Variants in KAT2B observed in about 807,000 individuals in gnomAD.
KAT2B encodes the protein lysine acetyltransferase 2B, also known as histone acetyltransferase KAT2B.
KAT2B carries 36 observed loss-of-function variants against 105.9 expected under a neutral mutation model. The ratio of observed to expected loss-of-function variants is 0.34; its 90% CI spans 0.26 to 0.45. The LOEUF (loss-of-function observed/expected upper bound fraction) is 0.45, where lower values mean the gene tolerates loss of function less well. KAT2B is among the 20% of genes least tolerant of loss of function. The pLI, the probability that KAT2B is intolerant of heterozygous loss-of-function variation, is 1.00. For missense variants in KAT2B, 820 were observed against 1,021.6 expected (o/e 0.80, Z 2.69); for synonymous variants, 397 against 377.9 (o/e 1.05, Z -0.59).
intron 5 of KAT2B, among the ~76,000 whole-genome samples, chr3:20,102,375 C>T (rs2125157249): frequency 6.6e-6 from 1 of 152,244 alleles, no homozygotes; most frequent in East Asian, 1.9e-4. Context: ...CATCATTATA[C>T]ATATTATCTT....
At chr3:20,116,596 G>A (rs1193339843) in intron 7 of KAT2B, among the ~76,000 whole-genome samples, 3 of 152,158 alleles carry the variant, frequency 2.0e-5, no homozygotes, top group African/African-American at 7.2e-5. Flanking sequence ...GACTGTGTTA[G>A]ACAATTCTCA....
At chr3:20,059,203 G>C (rs555580686) in intron 1 of KAT2B, among the ~76,000 whole-genome samples, 1 of 151,740 alleles carries the variant, frequency 6.6e-6, no homozygotes, top group East Asian at 1.9e-4. Context: ...ACTTGAGGTC[G>C]GGAGTTCGAG....
At chr3:20,060,492 T>G (rs976246253) in intron 1 of KAT2B, among the ~76,000 whole-genome samples, 1 of 152,110 alleles carries the variant, frequency 6.6e-6, no homozygotes, top group Non-Finnish European at 1.5e-5. Context: ...TCCCAGCTAC[T>G]GGGGAGGCTG....
chr3:20,132,272 C>T (rs1173169169), intron 11 of KAT2B, among the ~76,000 whole-genome samples: 1 of 152,142 alleles, frequency 6.6e-6, no homozygotes. Flanking sequence ...TACTCAGAGG[C>T]TGAGGCAGGA....
At chr3:20,136,652 C>G (rs1291202213) in intron 11 of KAT2B, among the ~76,000 whole-genome samples, 1 of 152,060 alleles carries the variant, frequency 6.6e-6, no homozygotes, top group Non-Finnish European at 1.5e-5. Flanking sequence ...TAAGATTGAG[C>G]TAGGAACTTG....
chr3:20,148,213 T>C (rs1295568541), intron 15 of KAT2B, 30 bp from the exon 16 acceptor site: 2 of 1,590,710 alleles, frequency 1.3e-6, no homozygotes, highest in Non-Finnish European at 1.7e-6. Flanking sequence ...ACTCTAATCA[T>C]TGCTCCTTGT....
At chr3:20,106,446 C>T (rs1408684369) in intron 5 of KAT2B, among the ~76,000 whole-genome samples, 1 of 146,966 alleles carries the variant, frequency 6.8e-6, no homozygotes, top group Non-Finnish European at 1.5e-5. Flanking sequence ...AGTACACACA[C>T]ACACACACAC....
chr3:20,114,410 A>G (rs1232727399), intron 6 of KAT2B, among the ~76,000 whole-genome samples: 1 of 152,210 alleles, frequency 6.6e-6, no homozygotes, highest in Non-Finnish European at 1.5e-5. Flanking sequence ...ATGTAGTAAG[A>G]GCTATATATG....
chr3:20,146,061 G>A (rs1394233776), intron 13 of KAT2B, among the ~76,000 whole-genome samples: 1 of 152,170 alleles, frequency 6.6e-6, no homozygotes, highest in Non-Finnish European at 1.5e-5. Flanking sequence ...CCTAGGGGCT[G>A]TGTGTTTTCT....
Position 20,040,592 on chromosome 3 carries a change from G to T in KAT2B, c.115G>T (p.Gly39Cys). 8.3e-7 allele frequency: 1 copy of T among 1,210,210 alleles called. No homozygotes were observed. Among genetic ancestry groups the T allele is most frequent in the South Asian group, 3.6e-5 (1 of 27,762 alleles). The allele number at this position is 1,210,210 out of a possible 1,614,324, so 75.0% of individuals were successfully genotyped here. ...PAALPPAPPQ[G>C]SPCAAAAGGS... ...GGCGCTTCCGCCCGCGCCCCCGCAG[G>T]GCTCCCCCTGCGCCGCTGCCGCCGG... The change falls in exon 1 of 18, where the codon GGC (glycine) becomes TGC (cysteine). Residue 39 changes from glycine to cysteine, a missense_variant. This residue lies in a region of KAT2B where 190 missense variants were observed against 176.7 expected (regional missense o/e 1.08). Transcript: ENST00000263754.
In KAT2B at chr3:20,069,905, AC is replaced by A. The variant is rs1421052252; in HGVS notation, c.304-2427del. Among the ~76,000 whole-genome samples the A allele has an allele frequency of 7.2e-4, 110 of 152,160 alleles. 2 individuals carry two copies. The highest frequency in any genetic ancestry group is 4.4e-5 in the Non-Finnish European group (3 of 67,992). On this transcript the variant is annotated intron_variant, in intron 1 of 17. Coordinates refer to ENST00000263754, the MANE Select transcript of KAT2B (RefSeq NM_003884.5). The stretch of plus-strand genomic sequence containing the variant: ...TTCGGTTTGCCATATTCTCCTATTC[AC>A]TGTCTTCATTGTAAATTCTCATGAC...
chr3:20,047,456 C>A (rs1697833131), intron 1 of KAT2B, among the ~76,000 whole-genome samples: 1 of 152,152 alleles, frequency 6.6e-6, no homozygotes, highest in African/African-American at 2.4e-5. Context: ...ATATTTTAAA[C>A]AGCTTTATTG....
chr3:20,152,053 A>C (rs1275147917), intron 17 of KAT2B, among the ~76,000 whole-genome samples: 3 of 152,164 alleles, frequency 2.0e-5, no homozygotes, highest in Non-Finnish European at 4.4e-5. Context: ...TAATCTACTT[A>C]GCTTCCTTGT....
chr3:20,107,806 C>CTT (rs1206858155), intron 5 of KAT2B, among the ~76,000 whole-genome samples: 40 of 113,734 alleles, frequency 3.5e-4, no homozygotes, highest in East Asian at 5.3e-4. Context: ...TTGCTTTTTC[C>CTT]TTTTTTTTTT....
intron 13 of KAT2B, among the ~76,000 whole-genome samples, chr3:20,141,552 A>C (rs1031268367): frequency 6.6e-5 from 10 of 152,086 alleles, no homozygotes; most frequent in African/African-American, 2.4e-4. Context: ...CGTTTAGTGC[A>C]CTTTTCTCTA....
chr3:20,145,729 T>C (rs1699774581), intron 13 of KAT2B, among the ~76,000 whole-genome samples: 1 of 152,168 alleles, frequency 6.6e-6, no homozygotes, highest in African/African-American at 2.4e-5. Flanking sequence ...ATACTTTAAA[T>C]TGCATTATTC....
chr3:20,148,278 C>T lies in KAT2B; in HGVS notation c.2192C>T (p.Thr731Met), dbSNP rs138379232. The change falls in exon 16 of 18, where the codon ACG (threonine) becomes ATG (methionine). Residue 731 changes from threonine to methionine, a missense_variant. Thr to Met is a moderately conservative substitution (Grantham distance 81). This residue lies in a region of KAT2B where 227 missense variants were observed against 292.9 expected (regional missense o/e 0.77). Transcript: ENST00000263754. ...EPRDPDQLYS[T>M]LKSILQQVKS... ...AGAGACCCTGACCAGCTTTACAGCACGCTCAAGAGCATCCTCCAGCAGGTG... is the reference window on the plus strand; with the variant it reads ...AGAGACCCTGACCAGCTTTACAGCATGCTCAAGAGCATCCTCCAGCAGGTG... The T allele has an allele frequency of 3.7e-5, 60 of 1,613,948 alleles. No homozygotes were observed. In the African/African-American group the frequency reaches 4.9e-4, roughly 13 times the overall value.
chr3:20,072,469 TA>T lies in KAT2B; in HGVS notation c.430+13del. 6.2e-7 allele frequency: 1 copy of T among 1,612,570 alleles called. No individual in the cohort carries two copies. The highest frequency in any genetic ancestry group is 8.5e-7 in the Non-Finnish European group (1 of 1,178,678). ...TGTAGCCATGCCCTAGGTGAGTTCCTAAATCTTCAAGGAAAGTATAACGAGT... is the reference window on the plus strand; with the variant it reads ...TGTAGCCATGCCCTAGGTGAGTTCCTAATCTTCAAGGAAAGTATAACGAGT... On this transcript the variant is annotated intron_variant, in intron 2 of 17. Transcript: ENST00000263754.
rs764508390 is a variant in KAT2B, at chr3:20,111,635, T to C, written c.891T>C (p.Ser297=). The C allele has an allele frequency of 6.2e-7, 1 of 1,613,816 alleles. No homozygotes were observed. Among genetic ancestry groups the C allele is most frequent in the Admixed American group, 1.7e-5 (1 of 59,952 alleles). The change falls in exon 6 of 18, where the codon AGT becomes AGC. Residue 297 remains serine (S), a synonymous_variant. Coordinates refer to ENST00000263754, the MANE Select transcript of KAT2B (RefSeq NM_003884.5). ...GCAACGTGCCACAGTTCTGCGACAG[T>C]CTACCTCGGTACGAAACCACACAGG... is the stretch of plus-strand genomic sequence containing the variant. ...CYCNVPQFCD[S]LPRYETTQVF...
Sources: gnomAD v4.1 joint callset for allele counts (sites outside exome capture counted in the v4.1 genomes callset) on GRCh38, gnomAD v4.1.1 for gene constraint, gnomAD v4.1.1 regional missense constraint, MANE v1.5 for transcripts, NCBI Gene and HGNC (gene_info 2026-07-23, HGNC 2026-07-21) for gene names.